Variants in TRIM71 observed in about 807,000 individuals in gnomAD.
The protein encoded by TRIM71 is E3 ubiquitin-protein ligase TRIM71.
A neutral mutation model predicts 61.2 loss-of-function variants in TRIM71; 9 were observed. The ratio of observed to expected loss-of-function variants is 0.15; its 90% CI spans 0.09 to 0.26. The LOEUF is 0.26. Among genes scored for constraint, TRIM71 ranks in the 10% least tolerant of loss-of-function variants. The pLI is 1.00. For synonymous variants in TRIM71, 645 were observed against 553.2 expected (o/e 1.17, Z -2.33); for missense variants, 998 against 1,238.7 (o/e 0.81, Z 2.92).
chr3:32,844,562 A>G (rs760801197), intron 1 of TRIM71, among the ~76,000 whole-genome samples: 3 of 152,138 alleles, frequency 2.0e-5, no homozygotes, highest in Non-Finnish European at 4.4e-5. Flanking sequence ...ATGCCTAGCT[A>G]ACTTTAAAAA....
At chr3:32,859,718 G>C (rs1487510060) in intron 1 of TRIM71, among the ~76,000 whole-genome samples, 2 of 152,134 alleles carry the variant, frequency 1.3e-5, no homozygotes, top group African/African-American at 4.8e-5. Flanking sequence ...CTTTCCAGGG[G>C]TCACTTCACT....
At chr3:32,867,458 T>C (rs1041292611) in intron 1 of TRIM71, among the ~76,000 whole-genome samples, 1 of 152,160 alleles carries the variant, frequency 6.6e-6, no homozygotes, top group African/African-American at 2.4e-5. Context: ...TATATATACA[T>C]ACATATTTTT....
At chr3:32,823,601 A>T (rs1696164322) in intron 1 of TRIM71, among the ~76,000 whole-genome samples, 5 of 149,626 alleles carry the variant, frequency 3.3e-5, no homozygotes, top group Admixed American at 3.3e-4. Context: ...CCAGTTCTTC[A>T]TTTGACAACG....
intron 1 of TRIM71, among the ~76,000 whole-genome samples, chr3:32,851,237 T>A (rs1032453504): frequency 6.6e-6 from 1 of 152,226 alleles, no homozygotes; most frequent in African/African-American, 2.4e-5. Context: ...AAGTAGATGG[T>A]GAAATTTGAA....
chr3:32,890,923 C>T lies in TRIM71; in HGVS notation c.1719C>T (p.Asn573=), dbSNP rs752442489. 1 of 1,614,236 alleles carries T rather than the reference C, an allele frequency of 6.2e-7. No homozygotes were observed. Residue 573 remains asparagine, a synonymous_variant, in exon 4 of 4, where the codon AAC becomes AAT. Coordinates refer to ENST00000383763, the MANE Select transcript of TRIM71 (RefSeq NM_001039111.3). This position sits in a 1 kb window ranked among gnomAD's most constrained non-coding sequence, Gnocchi z 6.2. ...SVTLCNQHIE[N]SPFKVVVKSG... Reference sequence around the variant, plus strand: ...CACTGTGCAACCAGCACATTGAGAACAGCCCTTTCAAGGTGGTGGTCAAGT... The same window carrying T: ...CACTGTGCAACCAGCACATTGAGAATAGCCCTTTCAAGGTGGTGGTCAAGT...
chr3:32,825,311 G>A (rs1041329553), intron 1 of TRIM71, among the ~76,000 whole-genome samples: 31 of 152,198 alleles, frequency 2.0e-4, no homozygotes, highest in African/African-American at 6.5e-4. Context: ...TGGCTAAAAC[G>A]CTTTTTTTTA....
chr3:32,870,986 G>A (rs1466945774), intron 1 of TRIM71, among the ~76,000 whole-genome samples: 1 of 126,360 alleles, frequency 7.9e-6, no homozygotes, highest in Admixed American at 7.5e-5. Flanking sequence ...TTTTTTTTTT[G>A]GTAGTTTGGG....
At chr3:32,822,609 C>CT (rs761027103) in intron 1 of TRIM71, among the ~76,000 whole-genome samples, 18 of 152,162 alleles carry the variant, frequency 1.2e-4, no homozygotes, top group Non-Finnish European at 2.2e-4. Flanking sequence ...TTCCCAAAGT[C>CT]TAAGTTTTTT....
In TRIM71 at chr3:32,897,133, G is replaced by A. The variant is rs1398303339; in HGVS notation, c.*5322G>A. On this transcript the variant is annotated 3_prime_UTR_variant, in exon 4 of 4. Transcript: ENST00000383763. ...AATACTGTCCATTAGCTCTCATGCCGGGTCAGCAAAATGCTTTAATTTTTA... is the reference window on the plus strand; with the variant it reads ...AATACTGTCCATTAGCTCTCATGCCAGGTCAGCAAAATGCTTTAATTTTTA... The A allele has an allele frequency of 1.3e-5, 2 of 151,996 alleles. No homozygotes were observed. Among genetic ancestry groups the A allele is most frequent in the Non-Finnish European group, 2.9e-5 (2 of 67,998 alleles). The allele number at this position is 151,996 out of a possible 1,614,324, so 9.4% of individuals were successfully genotyped here. A position where few individuals can be genotyped will look rare whatever the true frequency, so the allele number is the denominator to read the frequency against.
chr3:32,837,859 G>C, intron 1 of TRIM71, among the ~76,000 whole-genome samples: 1 of 152,156 alleles, frequency 6.6e-6, no homozygotes, highest in South Asian at 2.1e-4. Context: ...TTTAGCTTCT[G>C]AGAAGGCCCA....
At chr3:32,889,085 A>G (rs1696994067) in intron 3 of TRIM71, among the ~76,000 whole-genome samples, 1 of 152,060 alleles carries the variant, frequency 6.6e-6, no homozygotes, top group Admixed American at 6.5e-5. Context: ...ACCTATCACT[A>G]TCTGACATGA....
intron 1 of TRIM71, among the ~76,000 whole-genome samples, chr3:32,820,718 A>G (rs1696117552): frequency 6.6e-6 from 1 of 152,236 alleles, no homozygotes; most frequent in African/African-American, 2.4e-5. Context: ...GCAGACTTGT[A>G]AAAGATTTAT....
chr3:32,894,258 TTCA>T lies in TRIM71; in HGVS notation c.*2455_*2457del, dbSNP rs1440014415. The stretch of plus-strand genomic sequence containing the variant: ...GGAGATGGATCTTGATTAAAATCTT[TTCA>T]TCATCATTTTCATTCTGCTCTTTTC... On this transcript the variant is annotated 3_prime_UTR_variant, in exon 4 of 4. Transcript: ENST00000383763. 1.3e-5 allele frequency: 2 copies of T among 152,194 alleles called. No individual in the cohort carries two copies. Among genetic ancestry groups the T allele is most frequent in the Non-Finnish European group, 2.9e-5 (2 of 68,036 alleles). 9.4% of individuals were successfully genotyped at this position (152,194 alleles called of 1,614,324 possible).
intron 1 of TRIM71, among the ~76,000 whole-genome samples, chr3:32,854,743 T>A (rs1356073784): frequency 2.0e-5 from 3 of 152,200 alleles, no homozygotes; most frequent in African/African-American, 4.8e-5. Flanking sequence ...TGGGATACAG[T>A]GCTAACCACC....
intron 2 of TRIM71, among the ~76,000 whole-genome samples, chr3:32,875,897 G>A (rs1188172206): frequency 6.6e-6 from 1 of 152,190 alleles, no homozygotes; most frequent in African/African-American, 2.4e-5. Context: ...GAAGAGGGAG[G>A]ATTTGATTTA....
At chr3:32,868,509 A>G (rs780672154) in intron 1 of TRIM71, among the ~76,000 whole-genome samples, 2 of 152,222 alleles carry the variant, frequency 1.3e-5, no homozygotes, top group African/African-American at 2.4e-5. Flanking sequence ...TCATATAGCA[A>G]CATACCATGC....
intron 1 of TRIM71, among the ~76,000 whole-genome samples, chr3:32,856,052 C>G (rs1696600069): frequency 6.6e-6 from 1 of 152,160 alleles, no homozygotes. Flanking sequence ...GAGTCTCGCT[C>G]TGTCACTCAG....
At chr3:32,852,924 G>A (rs1349686568) in intron 1 of TRIM71, among the ~76,000 whole-genome samples, 1 of 152,096 alleles carries the variant, frequency 6.6e-6, no homozygotes, top group Non-Finnish European at 1.5e-5. Flanking sequence ...AGTTTGGTGT[G>A]AATAAAAAGT....
chr3:32,875,547 G>A (rs77595874), intron 2 of TRIM71, among the ~76,000 whole-genome samples: 3,643 of 152,300 alleles, frequency 0.024, 187 homozygotes, highest in East Asian at 0.24. Flanking sequence ...TGTTTTAAAA[G>A]TAAGATTCTG....
Sources: gnomAD v4.1 joint callset for allele counts (sites outside exome capture counted in the v4.1 genomes callset) on GRCh38, gnomAD v4.1.1 for gene constraint, Gnocchi (gnomAD v3.1) non-coding constraint, MANE v1.5 for transcripts, NCBI Gene and HGNC (gene_info 2026-07-23, HGNC 2026-07-21) for gene names.